The following ATRNL1 variants were observed in gnomAD, a reference collection of about 807,000 sequenced individuals.
ATRNL1 encodes attractin like 1.
In ATRNL1, 95 loss-of-function variants were observed where a neutral mutation model predicts 182.7. The ratio of observed to expected loss-of-function variants is 0.52; its 90% CI spans 0.44 to 0.62. The LOEUF (loss-of-function observed/expected upper bound fraction) is 0.62. ATRNL1 is among the 20% of genes least tolerant of loss of function. ATRNL1 has a pLI of 0.00. For missense variants in ATRNL1, 1,471 were observed against 1,679.5 expected, an observed-to-expected ratio of 0.88 and a Z score of 2.17; for synonymous variants, 576 against 568.3, an observed-to-expected ratio of 1.01 and a Z score of -0.19.
chr10:115,888,105 T>C (rs1370335728), intron 28 of ATRNL1, among the ~76,000 whole-genome samples: 1 of 152,180 alleles, frequency 6.6e-6, no homozygotes, highest in Non-Finnish European at 1.5e-5. Context: ...CTCTCTAGAC[T>C]TGTTCTGTGC....
chr10:115,117,165 G>A (rs967754403), intron 1 of ATRNL1, among the ~76,000 whole-genome samples: 1 of 151,718 alleles, frequency 6.6e-6, no homozygotes, highest in South Asian at 2.1e-4. Context: ...TGGAAGATAG[G>A]GTATTTATCT....
At chr10:115,686,398 C>A (rs1412848973) in intron 26 of ATRNL1, among the ~76,000 whole-genome samples, 12 of 151,942 alleles carry the variant, frequency 7.9e-5, no homozygotes, top group Non-Finnish European at 1.6e-4. Context: ...CTTAGTCTGA[C>A]CTTTTCTAAG....
chr10:115,223,677 G>A (rs1431693911), intron 9 of ATRNL1, among the ~76,000 whole-genome samples: 2 of 151,434 alleles, frequency 1.3e-5, no homozygotes, highest in Admixed American at 1.3e-4. Context: ...GCATATACAT[G>A]GTTTCCAAGA....
intron 26 of ATRNL1, among the ~76,000 whole-genome samples, chr10:115,570,244 G>A (rs368625229): frequency 4.6e-5 from 7 of 152,098 alleles, no homozygotes; most frequent in East Asian, 1.9e-4. Context: ...TTTCAGCTAT[G>A]AGCCACCACA....
intron 26 of ATRNL1, among the ~76,000 whole-genome samples, chr10:115,582,973 G>A (rs1257351812): frequency 4.1e-5 from 6 of 146,978 alleles, no homozygotes; most frequent in African/African-American, 1.2e-4. Context: ...TGGCTAGCCA[G>A]TTTTCCCAGC....
chr10:115,490,919 G>A (rs1849269134), intron 24 of ATRNL1, among the ~76,000 whole-genome samples: 1 of 152,100 alleles, frequency 6.6e-6, no homozygotes, highest in Non-Finnish European at 1.5e-5. Flanking sequence ...TCTCTGAGTG[G>A]ACATCCTTTT....
chr10:115,615,235 A>G (rs988936502), intron 26 of ATRNL1, among the ~76,000 whole-genome samples: 3 of 152,128 alleles, frequency 2.0e-5, no homozygotes, highest in African/African-American at 4.8e-5. Flanking sequence ...ATAATAATAT[A>G]TACTGTATTT....
chr10:115,292,814 G>A (rs1554921314), intron 15 of ATRNL1, among the ~76,000 whole-genome samples: 1 of 152,104 alleles, frequency 6.6e-6, no homozygotes. Context: ...TCCACATGCT[G>A]ATGAAAAGTA....
intron 28 of ATRNL1, among the ~76,000 whole-genome samples, chr10:115,913,118 T>C (rs1952735493): frequency 6.6e-6 from 1 of 152,252 alleles, no homozygotes; most frequent in Admixed American, 6.5e-5. Context: ...GATAACAGGC[T>C]GCAAAAGTAC....
rs1455587810 is a variant in ATRNL1, at chr10:115,281,562, A to G, written c.2233+75A>G. ...CTGACATAGAAAAGTACATTTAGTA[A>G]GGACACTACATTTTCTAAAATTAAA... is the stretch of plus-strand genomic sequence containing the variant. On this transcript the variant is annotated intron_variant, in intron 14 of 28. Coordinates refer to ENST00000355044, the MANE Select transcript of ATRNL1 (RefSeq NM_207303.4). 4 of 1,388,902 alleles carry G rather than the reference A, an allele frequency of 2.9e-6. No individual in the cohort carries two copies. The Admixed American group carries it at 8.5e-5, about 29-fold the overall frequency. The allele number at this position is 1,388,902 out of a possible 1,614,324, so 86.0% of individuals were successfully genotyped here.
intron 27 of ATRNL1, among the ~76,000 whole-genome samples, chr10:115,794,240 GA>G (rs1949597767): frequency 6.6e-6 from 1 of 152,066 alleles, no homozygotes; most frequent in South Asian, 2.1e-4. Context: ...TATATATAAA[GA>G]ATTTTTTTCC....
At chr10:115,909,273 A>G (rs968708285) in intron 28 of ATRNL1, 1 of 152,092 alleles carries the variant, frequency 6.6e-6, no homozygotes, top group African/African-American at 2.4e-5. Flanking sequence ...TCCTCCGCAT[A>G]TTCCTTAATC....
intron 28 of ATRNL1, among the ~76,000 whole-genome samples, chr10:115,863,795 T>C (rs1951371624): frequency 6.6e-6 from 1 of 152,150 alleles, no homozygotes; most frequent in South Asian, 2.1e-4. Flanking sequence ...ACAAGGACTT[T>C]TGGGTATATG....
intron 17 of ATRNL1, among the ~76,000 whole-genome samples, chr10:115,307,273 G>C (rs1853780754): frequency 6.6e-6 from 1 of 151,814 alleles, no homozygotes; most frequent in Admixed American, 6.6e-5. Flanking sequence ...GTTGGTTTTT[G>C]TTTTTTTGAG....
chr10:115,265,353 T>A (rs1236957504), intron 11 of ATRNL1, 76 bp downstream of exon 11: 1 of 904,278 alleles, frequency 1.1e-6, no homozygotes, highest in Non-Finnish European at 1.7e-6. Context: ...GGTATTCTTT[T>A]TGAAAATTAT....
chr10:115,879,305 C>CAA (rs140716871), intron 28 of ATRNL1, among the ~76,000 whole-genome samples: 1 of 108,018 alleles, frequency 9.3e-6, no homozygotes, highest in Non-Finnish European at 1.8e-5. Flanking sequence ...CTCTCTATCT[C>CAA]AAAAAAAAAA....
intron 27 of ATRNL1, among the ~76,000 whole-genome samples, chr10:115,840,976 AG>A (rs1555096935): frequency 6.6e-6 from 1 of 152,162 alleles, no homozygotes; most frequent in Non-Finnish European, 1.5e-5. Flanking sequence ...TCATACATCA[AG>A]TATAGTGGTT....
In ATRNL1 at chr10:115,223,929, ATTT is replaced by A. The variant is rs1223695295; in HGVS notation, c.1532+8067_1532+8069del. 7.3e-3 allele frequency among the ~76,000 whole-genome samples: 326 copies of A among 44,734 alleles called. 5 individuals carry two copies. The highest frequency in any genetic ancestry group is 0.018 in the African/African-American group (199 of 10,858). The allele number at this position is 44,734 out of a possible 152,430, so 29.3% of individuals were successfully genotyped here. On this transcript the variant is annotated intron_variant, in intron 9 of 28. Transcript: ENST00000355044. The stretch of plus-strand genomic sequence containing the variant: ...TGTGTGTGTGTATATATATATATAT[ATTT>A]TTTTTTTTTTTTTTTTTCTTTGAGA...
intron 19 of ATRNL1, among the ~76,000 whole-genome samples, chr10:115,369,161 A>G (rs1203200377): frequency 6.6e-6 from 1 of 151,796 alleles, no homozygotes; most frequent in African/African-American, 2.4e-5. Context: ...TTAAGGCTGA[A>G]TAATATTTCA....
Sources: allele counts gnomAD v4.1 joint callset (sites outside exome capture counted in the v4.1 genomes callset), GRCh38; gene constraint gnomAD v4.1.1; transcripts MANE v1.5; gene names NCBI Gene and HGNC (gene_info 2026-07-23, HGNC 2026-07-21).